LCMT1: variants seen among roughly 807,000 people sequenced by gnomAD.
The protein encoded by LCMT1 is leucine carboxyl methyltransferase 1.
LCMT1 carries 32 observed loss-of-function variants against 47.7 expected under a neutral mutation model. That is an observed-to-expected ratio of 0.67 (90% CI 0.51 to 0.90). LCMT1 has a LOEUF of 0.90. LCMT1 is among the 40% of genes least tolerant of loss of function. LCMT1 has a pLI of 0.00. For synonymous variants in LCMT1, 152 were observed against 149.7 expected (o/e 1.02, Z -0.11); for missense variants, 375 against 415.2 (o/e 0.90, Z 0.84).
At chr16:25,151,803 T>C (rs1367491761) in intron 5 of LCMT1, among the ~76,000 whole-genome samples, 188 bp downstream of exon 5, 1 of 151,640 alleles carries the variant, frequency 6.6e-6, no homozygotes, top group Non-Finnish European at 1.5e-5. Context: ...TCAGACAGGG[T>C]TGAGCCTGCA....
chr16:25,168,678 G>C (rs1356319551), intron 7 of LCMT1, among the ~76,000 whole-genome samples: 1 of 152,138 alleles, frequency 6.6e-6, no homozygotes, highest in Non-Finnish European at 1.5e-5. Flanking sequence ...CACTTTTCAA[G>C]AGTTTACCCT....
chr16:25,111,827 C>T lies in LCMT1; in HGVS notation c.-57C>T. On this transcript the variant is annotated 5_prime_UTR_variant, in exon 1 of 11. Coordinates refer to ENST00000399069, the MANE Select transcript of LCMT1 (RefSeq NM_016309.3). ...TGTGGCTCGCGCCGTCCCCCGCCGC[C>T]CGTCGACCCCGCTTCCATGTCCCTG... 1 of 1,216,904 alleles carries T rather than the reference C, an allele frequency of 8.2e-7. No homozygotes were observed. The highest frequency in any genetic ancestry group is 1.2e-6 in the Non-Finnish European group (1 of 839,880). The allele number at this position is 1,216,904 out of a possible 1,614,324, so 75.4% of individuals were successfully genotyped here.
At chr16:25,177,479 G>C (rs1466763869) in intron 10 of LCMT1, among the ~76,000 whole-genome samples, 1 of 152,110 alleles carries the variant, frequency 6.6e-6, no homozygotes, top group Non-Finnish European at 1.5e-5. Flanking sequence ...AATTAAAAAT[G>C]CTCAATGAGC....
intron 5 of LCMT1, among the ~76,000 whole-genome samples, chr16:25,153,550 C>G (rs1397976814): frequency 6.7e-6 from 1 of 149,128 alleles, no homozygotes; most frequent in Non-Finnish European, 1.5e-5. Context: ...AAAGGTCCTA[C>G]CTTTCAACAC....
At chr16:25,142,132 C>T in intron 4 of LCMT1, 1 of 152,248 alleles carries the variant, frequency 6.6e-6, no homozygotes. Context: ...GTCTGGGTGT[C>T]CACAAAGGAA....
intron 2 of LCMT1, 151 bp from the exon 3 acceptor site, chr16:25,132,251 C>A: frequency 3.4e-6 from 3 of 883,250 alleles, no homozygotes; most frequent in Admixed American, 2.8e-5. Flanking sequence ...TTGAAAGTTG[C>A]TGTTTCTCCC....
chr16:25,177,977 G>A (rs2141727068), intron 10 of LCMT1, 24 bp from the exon 11 acceptor site: 4 of 1,612,734 alleles, frequency 2.5e-6, no homozygotes, highest in East Asian at 4.5e-5. Context: ...TCTCCTAATG[G>A]TGTCTGTGTG....
chr16:25,166,120 A>G (rs1961580864), intron 7 of LCMT1, among the ~76,000 whole-genome samples: 1 of 151,810 alleles, frequency 6.6e-6, no homozygotes. Context: ...AAATACAAAA[A>G]TTAGCCAGGC....
chr16:25,119,214 A>G (rs576477405), intron 1 of LCMT1, among the ~76,000 whole-genome samples: 4 of 152,170 alleles, frequency 2.6e-5, no homozygotes, highest in Admixed American at 2.6e-4. Flanking sequence ...GATGACTCCA[A>G]GGTTTTTGGC....
At chr16:25,140,346 G>C (rs1960647143) in intron 4 of LCMT1, 99 bp downstream of exon 4, 1 of 911,920 alleles carries the variant, frequency 1.1e-6, no homozygotes, top group Non-Finnish European at 1.7e-6. Context: ...ACTTTAGGGT[G>C]TTGCCTTCCG....
intron 5 of LCMT1, among the ~76,000 whole-genome samples, chr16:25,157,584 G>A (rs1017520448): frequency 4.0e-4 from 61 of 152,202 alleles, no homozygotes; most frequent in African/African-American, 1.4e-3. Context: ...TGATTAGGAC[G>A]ATAAAGTATA....
chr16:25,125,363 T>C (rs1231165294), intron 1 of LCMT1, among the ~76,000 whole-genome samples: 1 of 152,232 alleles, frequency 6.6e-6, no homozygotes, highest in African/African-American at 2.4e-5. Flanking sequence ...TGCCCATACT[T>C]GATTTTCTTA....
intron 1 of LCMT1, among the ~76,000 whole-genome samples, chr16:25,113,175 C>T (rs2141617793): frequency 6.9e-6 from 1 of 144,666 alleles, no homozygotes; most frequent in South Asian, 2.2e-4. Flanking sequence ...GAAGAAAAGG[C>T]TTGAAAAATA....
chr16:25,165,463 A>T (rs1298442414), intron 7 of LCMT1, among the ~76,000 whole-genome samples: 1 of 150,986 alleles, frequency 6.6e-6, no homozygotes, highest in African/African-American at 2.4e-5. Context: ...CTGCTGTGTG[A>T]CCTGGGCAAG....
At chr16:25,138,627 C>T (rs748129457) in intron 3 of LCMT1, among the ~76,000 whole-genome samples, 1 of 152,204 alleles carries the variant, frequency 6.6e-6, no homozygotes, top group Non-Finnish European at 1.5e-5. Context: ...GCCCCCATCT[C>T]TATACCTGTG....
intron 2 of LCMT1, 63 bp from the exon 3 acceptor site, chr16:25,132,339 C>T: frequency 6.3e-7 from 1 of 1,597,218 alleles, no homozygotes; most frequent in Non-Finnish European, 8.5e-7. Flanking sequence ...GGGTGGGCTT[C>T]ACAGGGATAA....
chr16:25,132,850 A>G (rs374975893), intron 3 of LCMT1, among the ~76,000 whole-genome samples: 1,771 of 146,012 alleles, frequency 0.012, 30 homozygotes, highest in African/African-American at 0.044. Flanking sequence ...TCATGCATGC[A>G]TTTGTAACTT....
At chr16:25,124,351 G>C (rs1411114139) in intron 1 of LCMT1, among the ~76,000 whole-genome samples, 1 of 152,170 alleles carries the variant, frequency 6.6e-6, no homozygotes, top group Non-Finnish European at 1.5e-5. Flanking sequence ...GAAAAAACAA[G>C]TGTGTATGGG....
chr16:25,163,946 C>G (rs890252165), intron 6 of LCMT1, among the ~76,000 whole-genome samples: 1 of 152,120 alleles, frequency 6.6e-6, no homozygotes, highest in African/African-American at 2.4e-5. Flanking sequence ...TTGGACAGGG[C>G]TTAGCTGGAT....
Sources: allele counts gnomAD v4.1 joint callset (sites outside exome capture counted in the v4.1 genomes callset), GRCh38; gene constraint gnomAD v4.1.1; transcripts MANE v1.5; gene names NCBI Gene and HGNC (gene_info 2026-07-23, HGNC 2026-07-21).